Variants in GARNL3 observed in about 807,000 individuals in gnomAD.
GARNL3 encodes GTPase-activating Rap/Ran-GAP domain-like protein 3.
A neutral mutation model predicts 125.0 loss-of-function variants in GARNL3; 63 were observed. That is an observed-to-expected ratio of 0.50 (90% confidence interval 0.41 to 0.62). GARNL3 has a LOEUF of 0.62. GARNL3 is among the 20% of genes least tolerant of loss of function. The pLI is 0.00. For synonymous variants in GARNL3, 439 were observed against 457.5 expected, an observed-to-expected ratio of 0.96 and a Z score of 0.52; for missense variants, 994 against 1,244.0, an observed-to-expected ratio of 0.80 and a Z score of 3.02.
At chr9:127,355,166 G>A (rs994001220) in intron 19 of GARNL3, 131 bp from the exon 20 acceptor site, 58 of 710,684 alleles carry the variant, frequency 8.2e-5, no homozygotes, top group Middle Eastern at 3.7e-4. Context: ...GCCTAGTGTC[G>A]GAAACATTCT....
intron 25 of GARNL3, among the ~76,000 whole-genome samples, chr9:127,387,748 A>G (rs1051365255): frequency 6.6e-6 from 1 of 151,564 alleles, no homozygotes; most frequent in African/African-American, 2.4e-5. Flanking sequence ...GTCTACAAAA[A>G]AAAAAAAAAA....
At chr9:127,344,528 C>A in intron 15 of GARNL3, 189 bp downstream of exon 15, 1 of 591,840 alleles carries the variant, frequency 1.7e-6, no homozygotes. Context: ...GCAGGCATCA[C>A]TGAGAGAGCA....
chr9:127,291,063 G>T, intron 1 of GARNL3, 105 bp from the exon 2 acceptor site: 1 of 1,128,034 alleles, frequency 8.9e-7, no homozygotes, highest in Non-Finnish European at 1.3e-6. Flanking sequence ...TCTAGGCTGG[G>T]CACTCCAGCC....
At chr9:127,265,176 T>C (rs988934832) in intron 1 of GARNL3, among the ~76,000 whole-genome samples, 155 bp downstream of exon 1, 5 of 152,254 alleles carry the variant, frequency 3.3e-5, no homozygotes, top group Admixed American at 6.5e-5. Context: ...AAGGCTATGA[T>C]AATTTGATCT....
chr9:127,321,557 C>T (rs2065403386), intron 6 of GARNL3, among the ~76,000 whole-genome samples: 1 of 152,204 alleles, frequency 6.6e-6, no homozygotes, highest in African/African-American at 2.4e-5. Context: ...TTAGGTCTTA[C>T]TGTTAAGGGA....
chr9:127,254,749 A>G (rs2131221264), intron 2 of GARNL3, among the ~76,000 whole-genome samples: 1 of 151,680 alleles, frequency 6.6e-6, no homozygotes, highest in Admixed American at 6.6e-5. Context: ...AGCCTGGGTG[A>G]CAGAGCGAGA....
At chr9:127,358,838 A>T (rs1239772203) in intron 21 of GARNL3, among the ~76,000 whole-genome samples, 1 of 152,122 alleles carries the variant, frequency 6.6e-6, no homozygotes, top group Non-Finnish European at 1.5e-5. Flanking sequence ...TCCCCAGATA[A>T]TTGTAATATT....
In GARNL3 at chr9:127,391,291, T is replaced by A. The variant is rs561002925; in HGVS notation, c.2870+524T>A. Among the ~76,000 whole-genome samples, 913 of 142,552 alleles carry A rather than the reference T, an allele frequency of 6.4e-3. 11 individuals are homozygous for A. Among genetic ancestry groups the A allele is most frequent in the African/African-American group, 0.022 (872 of 39,106 alleles). The allele number at this position is 142,552 out of a possible 152,430, so 93.5% of individuals were successfully genotyped here. On this transcript the variant is annotated intron_variant, in intron 27 of 27. Transcript: ENST00000373387. ...CAGAGCAAGACTTCATCTCAAAAAA[T>A]ATATATATAATATATATTTTATATT...
At position 127,354,306 on chromosome 9, in the gene GARNL3, G is replaced by A. The variant is rs760090829; in HGVS notation, c.1655G>A (p.Arg552His). ...VLRADKGKDA[R>H]LFVFRLSALQ... Reference sequence around the variant, plus strand: ...TTTATGTCACCAGGAAAAGATGCTCGCCTCTTTGTCTTCAGGCTAAGTGCT... The same window carrying A: ...TTTATGTCACCAGGAAAAGATGCTCACCTCTTTGTCTTCAGGCTAAGTGCT... Residue 552 changes from arginine (R) to histidine (H), a missense_variant, in exon 19 of 28, where the codon CGC becomes CAC. Arg to His is a conservative substitution (Grantham distance 29). This residue lies in a region of GARNL3 where 728 missense variants were observed against 865.7 expected (regional missense o/e 0.84). Transcript: ENST00000373387. 3.1e-6 allele frequency: 5 copies of A among 1,612,936 alleles called. No homozygotes were observed. The highest frequency in any genetic ancestry group is 2.2e-5 in the South Asian group (2 of 90,962).
rs1208038625 is a variant in GARNL3 at position 127,392,659 on chromosome 9, C to T, written c.2871-424C>T. Among the ~76,000 whole-genome samples, 1 of 152,152 alleles carries T rather than the reference C, an allele frequency of 6.6e-6. No individual in the cohort carries two copies. The highest frequency in any genetic ancestry group is 1.9e-4 in the East Asian group (1 of 5,190). ...AACCAATATTGGTCAAATTAATATG[C>T]AGCTATTGAGAGAGTCCTGAGGAGC... On this transcript the variant is annotated intron_variant, in intron 27 of 27. Transcript: ENST00000373387. This position sits in a 1 kb window ranked among gnomAD's most constrained non-coding sequence, Gnocchi z 5.2.
At chr9:127,285,338 G>A (rs573084724) in intron 1 of GARNL3, among the ~76,000 whole-genome samples, 119 of 152,262 alleles carry the variant, frequency 7.8e-4, no homozygotes, top group Non-Finnish European at 1.5e-3. Context: ...CAGGAGAATC[G>A]CTCGAACTCG....
intron 7 of GARNL3, among the ~76,000 whole-genome samples, chr9:127,328,027 A>C (rs973165708): frequency 3.3e-5 from 5 of 152,178 alleles, no homozygotes; most frequent in Non-Finnish European, 7.4e-5. Context: ...GTAACAAACA[A>C]ACAATAGAGA....
rs60098080 is a variant in GARNL3, at chr9:127,355,825, A to G, written c.1935+353A>G. Among the ~76,000 whole-genome samples, 421 of 152,376 alleles carry G rather than the reference A, an allele frequency of 2.8e-3. 3 individuals carry two copies. The East Asian group carries it at 0.05, about 18-fold the overall frequency. ...TAAACATAGAGGAGGGCCAGGGAAC[A>G]AAGGATAATGGAGCAGGGAGTTGGG... On this transcript the variant is annotated intron_variant, in intron 20 of 27. Transcript: ENST00000373387.
intron 27 of GARNL3, among the ~76,000 whole-genome samples, chr9:127,391,524 C>CA (rs763160611): frequency 0.088 from 6,200 of 70,414 alleles, 1,055 homozygotes; most frequent in African/African-American, 0.16. Flanking sequence ...CCCATCTCTA[C>CA]AAAAAAAAAA....
rs2131662855 is a variant in GARNL3, at chr9:127,353,868, G to A, written c.1566G>A (p.Val522=). 1 of 1,613,514 alleles carries A rather than the reference G, an allele frequency of 6.2e-7. No individual in the cohort carries two copies. The highest frequency in any genetic ancestry group is 1.7e-4 in the Middle Eastern group (1 of 6,060). Residue 522 remains valine (V), a synonymous_variant, in exon 18 of 28, where the codon GTG becomes GTA. Coordinates refer to ENST00000373387, the MANE Select transcript of GARNL3 (RefSeq NM_032293.5). The part of the protein sequence containing the change: ...LVDDDLPSVP[V]FDRTLPVKQM... ...CAGATGACCTTCCATCAGTGCCCGTGTTTGACAGAACTCTGCCAGTGAAGC... is the reference window on the plus strand; with the variant it reads ...CAGATGACCTTCCATCAGTGCCCGTATTTGACAGAACTCTGCCAGTGAAGC...
intron 13 of GARNL3, among the ~76,000 whole-genome samples, chr9:127,341,045 GAC>G (rs1243664501): frequency 6.6e-6 from 1 of 152,134 alleles, no homozygotes. Context: ...AGACATGAAA[GAC>G]ACCTTTGCTG....
In GARNL3 at chr9:127,265,817, C is replaced by A. The variant is rs114348663; in HGVS notation, c.144+796C>A. 8.7e-3 allele frequency among the ~76,000 whole-genome samples: 1,327 copies of A among 152,066 alleles called. 27 individuals are homozygous for A. The highest frequency in any genetic ancestry group is 0.03 in the African/African-American group (1,239 of 41,496). On this transcript the variant is annotated intron_variant, in intron 1 of 27. Coordinates refer to ENST00000373387, the MANE Select transcript of GARNL3 (RefSeq NM_032293.5). ...TCTATTTGTGTAGCACCCAATTTTC[C>A]CCTATTAATATAAGCTGCATCCTTG...
chr9:127,341,046 A>G (rs1829833666), intron 13 of GARNL3, among the ~76,000 whole-genome samples: 1 of 152,024 alleles, frequency 6.6e-6, no homozygotes, highest in Non-Finnish European at 1.5e-5. Flanking sequence ...GACATGAAAG[A>G]CACCTTTGCT....
intron 22 of GARNL3, among the ~76,000 whole-genome samples, chr9:127,372,603 G>A (rs2131760439): frequency 6.6e-6 from 1 of 152,262 alleles, no homozygotes; most frequent in African/African-American, 2.4e-5. Context: ...TGTAATATAT[G>A]TTTTATCTGA....
Sources: allele counts gnomAD v4.1 joint callset (sites outside exome capture counted in the v4.1 genomes callset), GRCh38; gene constraint gnomAD v4.1.1; regional missense constraint gnomAD v4.1.1; non-coding constraint Gnocchi (gnomAD v3.1); transcripts MANE v1.5; gene names NCBI Gene and HGNC (gene_info 2026-07-23, HGNC 2026-07-21).